STK31: variants seen among roughly 807,000 people sequenced by gnomAD.
STK31 encodes serine/threonine kinase 31, also known as serine/threonine-protein kinase 31.
Under a neutral mutation model 129.7 loss-of-function variants are expected in STK31, and 89 were observed. The observed-to-expected ratio is 0.69, with a 90% CI of 0.58 to 0.82. The LOEUF is 0.82. STK31 is among the 40% of genes least tolerant of loss of function. STK31 has a pLI of 0.00. For missense variants in STK31, 1,187 were observed against 1,176.4 expected (o/e 1.01, Z -0.13); for synonymous variants, 448 against 395.3 (o/e 1.13, Z -1.58).
rs558479094 is a variant in STK31 at position 23,762,058 on chromosome 7, T to C, written c.1294-743T>C. ...TAAGTGTATGTGCCAGACACTGTTATAGGTAATAGAGATTAAAACTTTTTT... is the reference window on the plus strand; with the variant it reads ...TAAGTGTATGTGCCAGACACTGTTACAGGTAATAGAGATTAAAACTTTTTT... On this transcript the variant is annotated intron_variant, in intron 10 of 23. Transcript: ENST00000355870. Among the ~76,000 whole-genome samples the C allele has an allele frequency of 7.9e-4, 119 of 151,550 alleles. 2 individuals are homozygous for C. Among genetic ancestry groups the C allele is most frequent in the Non-Finnish European group, 1.3e-4 (9 of 67,844 alleles).
intron 23 of STK31, among the ~76,000 whole-genome samples, chr7:23,819,059 C>T (rs905144592): frequency 1.1e-4 from 16 of 152,126 alleles, no homozygotes; most frequent in Non-Finnish European, 1.8e-4. Context: ...TTTAAGTCAA[C>T]TTAGGGAAAA....
chr7:23,775,264 T>C (rs575837790), intron 15 of STK31, among the ~76,000 whole-genome samples: 96 of 152,346 alleles, frequency 6.3e-4, no homozygotes, highest in African/African-American at 2.2e-3. Context: ...GGTAGCATGA[T>C]GCCTCCAGCT....
chr7:23,798,692 G>A (rs1311261084), intron 22 of STK31, among the ~76,000 whole-genome samples: 3 of 152,142 alleles, frequency 2.0e-5, no homozygotes, highest in Non-Finnish European at 4.4e-5. Flanking sequence ...ACTGGCACAA[G>A]ACAGGGATGC....
chr7:23,784,539 T>G (rs534284333), intron 17 of STK31, among the ~76,000 whole-genome samples: 86 of 152,318 alleles, frequency 5.6e-4, no homozygotes, highest in African/African-American at 2.0e-3. Flanking sequence ...TATGCTAATC[T>G]ACTTTATTAT....
intron 4 of STK31, chr7:23,725,800 A>G (rs988756541): frequency 6.6e-5 from 10 of 152,232 alleles, no homozygotes; most frequent in African/African-American, 2.2e-4. Context: ...TTCAGACATT[A>G]AAATAGTATG....
chr7:23,786,400 T>C, intron 18 of STK31, 108 bp from the exon 19 acceptor site: 2 of 1,146,316 alleles, frequency 1.7e-6, no homozygotes, highest in Non-Finnish European at 1.1e-6. Flanking sequence ...AAAATAAAAT[T>C]AGATTTGATT....
Position 23,790,828 on chromosome 7 carries a change from A to C in STK31, c.2642A>C (p.Gln881Pro). Residue 881 changes from glutamine to proline, a missense_variant, in exon 22 of 24, where the codon CAG (glutamine) becomes CCG (proline). Coordinates refer to ENST00000355870, the MANE Select transcript of STK31 (RefSeq NM_031414.5). ...GDFDFTKSVS[Q>P]RASVNMMVGD... is the part of the protein sequence containing the mutation. ...TGTAAAATATTGTTTTTGCAGAGTC[A>C]GCGAGCCTCGGTGAACATGATGGTT... 1.3e-6 allele frequency: 2 copies of C among 1,590,050 alleles called. No individual in the cohort carries two copies. The highest frequency in any genetic ancestry group is 1.7e-6 in the Non-Finnish European group (2 of 1,171,410).
In STK31 at chr7:23,813,078, C is replaced by CTTT. The variant is rs70956924; in HGVS notation, c.2761-2048_2761-2046dup. 6.6e-3 allele frequency among the ~76,000 whole-genome samples: 624 copies of CTTT among 93,970 alleles called. 2 individuals are homozygous for CTTT. The highest frequency in any genetic ancestry group is 8.2e-3 in the Middle Eastern group (1 of 122). 61.6% of individuals were successfully genotyped at this position (93,970 alleles called of 152,430 possible). On this transcript the variant is annotated intron_variant, in intron 22 of 23. Transcript: ENST00000355870. The stretch of plus-strand genomic sequence containing the variant: ...TCACAGGTCCTTGAGGCTCTCTGTT[C>CTTT]TTTTTTTTTTTTTTTTTTTTGTCTG...
intron 13 of STK31, among the ~76,000 whole-genome samples, chr7:23,770,094 A>G (rs1790090794): frequency 6.6e-6 from 1 of 152,062 alleles, no homozygotes. Flanking sequence ...ATAAGAAGAG[A>G]CTCCTTAGAG....
intron 22 of STK31, among the ~76,000 whole-genome samples, chr7:23,810,761 T>TA (rs1456386760): frequency 9.8e-4 from 128 of 131,074 alleles, no homozygotes; most frequent in African/African-American, 3.5e-3. Flanking sequence ...ATATAATATA[T>TA]AATATATAAA....
chr7:23,800,166 ATAGTG>A (rs1227442425), intron 22 of STK31, among the ~76,000 whole-genome samples: 1 of 152,174 alleles, frequency 6.6e-6, no homozygotes, highest in Non-Finnish European at 1.5e-5. Context: ...ATTATGGAAA[ATAGTG>A]TAGCGATTCC....
chr7:23,769,313 G>A (rs1790034491), intron 12 of STK31, 139 bp downstream of exon 12: 1 of 753,774 alleles, frequency 1.3e-6, no homozygotes, highest in African/African-American at 1.8e-5. Flanking sequence ...ACCAGTCAAG[G>A]TTCTTTATTA....
chr7:23,771,588 T>A (rs1584418266), intron 14 of STK31: 1 of 153,130 alleles, frequency 6.5e-6, no homozygotes, highest in African/African-American at 2.4e-5. Context: ...TTTTCTATAC[T>A]GTCATCTTGA....
At chr7:23,795,112 G>C (rs556317962) in intron 22 of STK31, among the ~76,000 whole-genome samples, 1 of 152,332 alleles carries the variant, frequency 6.6e-6, no homozygotes, top group South Asian at 2.1e-4. Flanking sequence ...GGGCATGTCA[G>C]AAAGCTTCGC....
At chr7:23,826,903 A>G (rs1400337828) in intron 23 of STK31, among the ~76,000 whole-genome samples, 5 of 152,084 alleles carry the variant, frequency 3.3e-5, no homozygotes, top group Non-Finnish European at 7.3e-5. Context: ...CTTTTCTTTA[A>G]GAATGTTGAA....
rs572671475 is a variant in STK31 at position 23,824,926 on chromosome 7, C to G, written c.2830-7210C>G. 6.6e-5 allele frequency among the ~76,000 whole-genome samples: 10 copies of G among 152,146 alleles called. No homozygotes were observed. In the South Asian group the frequency reaches 2.1e-3, roughly 32 times the overall value. Reference sequence around the variant, plus strand: ...TATTGATTTTCATATGTTGAACCAGCCTTGCATCCCAGGGATGAAGCCCAC... The same window carrying G: ...TATTGATTTTCATATGTTGAACCAGGCTTGCATCCCAGGGATGAAGCCCAC... On this transcript the variant is annotated intron_variant, in intron 23 of 23. Coordinates refer to ENST00000355870, the MANE Select transcript of STK31 (RefSeq NM_031414.5).
chr7:23,714,273 C>T (rs944815042), intron 3 of STK31, among the ~76,000 whole-genome samples: 3 of 152,212 alleles, frequency 2.0e-5, no homozygotes, highest in African/African-American at 7.2e-5. Context: ...AAAGGTTGCT[C>T]ACACGTTCTG....
intron 23 of STK31, among the ~76,000 whole-genome samples, chr7:23,822,082 C>G (rs1041577584): frequency 5.5e-4 from 84 of 152,208 alleles, no homozygotes; most frequent in African/African-American, 2.0e-3. Flanking sequence ...ATGCCTCCAC[C>G]TTTGTTCTTT....
intron 8 of STK31, among the ~76,000 whole-genome samples, chr7:23,743,062 C>T (rs1788149180): frequency 6.6e-6 from 1 of 151,166 alleles, no homozygotes; most frequent in Non-Finnish European, 1.5e-5. Context: ...AAGCAGTTCT[C>T]CTACTTCAGC....
Sources: gnomAD v4.1 joint callset for allele counts (sites outside exome capture counted in the v4.1 genomes callset) on GRCh38, gnomAD v4.1.1 for gene constraint, MANE v1.5 for transcripts, NCBI Gene and HGNC (gene_info 2026-07-23, HGNC 2026-07-21) for gene names.